TRPM3: variants seen among roughly 807,000 people sequenced by gnomAD.
TRPM3 encodes transient receptor potential cation channel subfamily M member 3, also known as long transient receptor potential channel 3.
TRPM3 carries 77 observed loss-of-function variants against 181.2 expected under a neutral mutation model. That is an observed-to-expected ratio of 0.42 (90% confidence interval 0.35 to 0.51). TRPM3 has a LOEUF of 0.51. Ranked by LOEUF, TRPM3 falls within the 20% of genes least tolerant of loss-of-function variation. The probability of loss-of-function intolerance (pLI) is 0.01; values close to 1 mark genes in which losing one functional copy is unlikely to be tolerated. For synonymous variants in TRPM3, 745 were observed against 796.4 expected (o/e 0.94, Z 1.09); for missense variants, 1,759 against 2,196.7 (o/e 0.80, Z 3.98).
chr9:71,332,979 G>A (rs1031907251), intron 1 of TRPM3, among the ~76,000 whole-genome samples: 13 of 151,888 alleles, frequency 8.6e-5, no homozygotes, highest in Non-Finnish European at 1.6e-4. Flanking sequence ...AAAACATGGT[G>A]TATTATAACA....
At chr9:71,103,649 T>C (rs1236500467) in intron 1 of TRPM3, among the ~76,000 whole-genome samples, 2 of 152,198 alleles carry the variant, frequency 1.3e-5, no homozygotes, top group Non-Finnish European at 2.9e-5. Context: ...GAAGTAAATG[T>C]GGATGGATAG....
intron 1 of TRPM3, among the ~76,000 whole-genome samples, chr9:70,999,266 T>C (rs781439056): frequency 2.0e-5 from 3 of 152,220 alleles, no homozygotes; most frequent in Non-Finnish European, 4.4e-5. Flanking sequence ...TGCTTTTAAC[T>C]GAACTGATTT....
intron 1 of TRPM3, among the ~76,000 whole-genome samples, chr9:71,303,659 G>A (rs1328917168): frequency 6.6e-6 from 1 of 152,194 alleles, no homozygotes; most frequent in Non-Finnish European, 1.5e-5. Flanking sequence ...CAGAGCTCAA[G>A]CTTTGCCTAG....
intron 6 of TRPM3, among the ~76,000 whole-genome samples, chr9:70,803,930 A>T (rs1301010330): frequency 6.6e-6 from 1 of 152,168 alleles, no homozygotes; most frequent in Non-Finnish European, 1.5e-5. Context: ...CACCTCAGAG[A>T]GGAGCTAGAG....
At chr9:70,937,205 A>G (rs1564801116) in intron 1 of TRPM3, among the ~76,000 whole-genome samples, 2 of 152,186 alleles carry the variant, frequency 1.3e-5, no homozygotes, top group African/African-American at 4.8e-5. Context: ...GTTAAAATGG[A>G]TAAGAGAGGC....
At chr9:70,894,980 G>A (rs2096262303) in intron 1 of TRPM3, among the ~76,000 whole-genome samples, 1 of 152,148 alleles carries the variant, frequency 6.6e-6, no homozygotes, top group South Asian at 2.1e-4. Context: ...GAGTGCTAGT[G>A]CCATGGCTTG....
intron 1 of TRPM3, among the ~76,000 whole-genome samples, chr9:71,147,088 A>G (rs1300551464): frequency 6.6e-6 from 1 of 152,176 alleles, no homozygotes; most frequent in Non-Finnish European, 1.5e-5. Context: ...GTCCAAAAGC[A>G]GTAACACCAA....
At chr9:71,309,718 A>G (rs899639803) in intron 1 of TRPM3, among the ~76,000 whole-genome samples, 1 of 152,172 alleles carries the variant, frequency 6.6e-6, no homozygotes. Context: ...TTAGAATGAC[A>G]TAATTTCTGC....
At chr9:71,199,910 G>C (rs1052972602) in intron 1 of TRPM3, among the ~76,000 whole-genome samples, 1 of 151,964 alleles carries the variant, frequency 6.6e-6, no homozygotes, top group African/African-American at 2.4e-5. Context: ...CTTGCCTTCT[G>C]CTAGCTTTTG....
At chr9:70,579,716 T>A (rs2055111286) in intron 22 of TRPM3, among the ~76,000 whole-genome samples, 1 of 152,154 alleles carries the variant, frequency 6.6e-6, no homozygotes, top group Non-Finnish European at 1.5e-5. Context: ...GATATTCAAG[T>A]TCAGGCATCA....
At chr9:71,327,292 C>A (rs80247890) in intron 1 of TRPM3, among the ~76,000 whole-genome samples, 1 of 152,202 alleles carries the variant, frequency 6.6e-6, no homozygotes, top group Non-Finnish European at 1.5e-5. Flanking sequence ...CAATGAACGA[C>A]TGCCAATGCC....
chr9:71,044,027 T>C (rs1280869444), intron 1 of TRPM3, among the ~76,000 whole-genome samples: 5 of 152,210 alleles, frequency 3.3e-5, no homozygotes, highest in Non-Finnish European at 2.9e-5. Flanking sequence ...TATTCCATTA[T>C]CTTTTTCATG....
intron 1 of TRPM3, among the ~76,000 whole-genome samples, chr9:71,298,050 G>T (rs1202757223): frequency 6.6e-6 from 1 of 151,900 alleles, no homozygotes; most frequent in Non-Finnish European, 1.5e-5. Context: ...TAAAATCTGT[G>T]GGAAGGTGAG....
intron 1 of TRPM3, among the ~76,000 whole-genome samples, chr9:71,159,717 C>T (rs762398508): frequency 2.6e-5 from 4 of 152,044 alleles, no homozygotes; most frequent in Non-Finnish European, 5.9e-5. Context: ...GAACACTTAA[C>T]GACTTGAAAT....
intron 1 of TRPM3, among the ~76,000 whole-genome samples, chr9:70,965,609 T>A (rs1366091222): frequency 6.6e-6 from 1 of 152,136 alleles, no homozygotes; most frequent in African/African-American, 2.4e-5. Flanking sequence ...GAACCAACCT[T>A]GCATCCCAGG....
chr9:71,305,191 G>A (rs1257025178), intron 1 of TRPM3, among the ~76,000 whole-genome samples: 3 of 152,186 alleles, frequency 2.0e-5, no homozygotes, highest in Non-Finnish European at 4.4e-5. Context: ...AGTGCAGTGA[G>A]AAAATGAATG....
chr9:70,893,868 C>T (rs1174330248), intron 1 of TRPM3, among the ~76,000 whole-genome samples: 1 of 152,058 alleles, frequency 6.6e-6, no homozygotes, highest in Non-Finnish European at 1.5e-5. Context: ...AAGTCTTATG[C>T]AAAACATTCT....
intron 1 of TRPM3, among the ~76,000 whole-genome samples, chr9:70,916,384 G>T (rs768359502): frequency 6.6e-6 from 1 of 152,134 alleles, no homozygotes; most frequent in East Asian, 1.9e-4. Flanking sequence ...GTAAACTCTT[G>T]TGTAGAAAGA....
chr9:70,811,240 G>A lies in TRPM3; in HGVS notation c.973+16607C>T, dbSNP rs141178190. ...GGGAGTCAAGAGAGAAAAACGGCAGGCATCCTGTCAAAAAATAAAATCTTT... is the reference window on the plus strand; with the variant it reads ...GGGAGTCAAGAGAGAAAAACGGCAGACATCCTGTCAAAAAATAAAATCTTT... On this transcript the variant is annotated intron_variant, in intron 6 of 25. Coordinates refer to ENST00000677713, the MANE Select transcript of TRPM3 (RefSeq NM_001366145.2). 6.0e-4 allele frequency: 964 copies of A among 1,607,890 alleles called. 7 individuals are homozygous for A. In the African/African-American group the frequency reaches 0.012, roughly 19 times the overall value.
Sources: gnomAD v4.1 joint callset for allele counts (sites outside exome capture counted in the v4.1 genomes callset) on GRCh38, gnomAD v4.1.1 for gene constraint, MANE v1.5 for transcripts, NCBI Gene and HGNC (gene_info 2026-07-23, HGNC 2026-07-21) for gene names.